Variants in THOC1 observed in about 807,000 individuals in gnomAD.
THOC1 encodes THO complex 1.
THOC1 carries 29 observed loss-of-function variants against 97.3 expected under a neutral mutation model. The observed-to-expected ratio is 0.30, with a 90% CI of 0.22 to 0.41. The LOEUF (loss-of-function observed/expected upper bound fraction) is 0.41, where lower values mean the gene tolerates loss of function less well. THOC1 is among the 10% of genes least tolerant of loss of function. THOC1 has a pLI of 1.00. For synonymous variants in THOC1, 255 were observed against 257.0 expected, an observed-to-expected ratio of 0.99 and a Z score of 0.07; for missense variants, 529 against 761.9, an observed-to-expected ratio of 0.69 and a Z score of 3.60.
chr18:267,161 T>C (rs1191203305), intron 1 of THOC1, among the ~76,000 whole-genome samples: 3 of 152,130 alleles, frequency 2.0e-5, no homozygotes, highest in African/African-American at 7.2e-5. Flanking sequence ...GTGCAAATGC[T>C]AGAGACGAAT....
chr18:240,774 C>G (rs565145248), intron 11 of THOC1, among the ~76,000 whole-genome samples: 7 of 152,240 alleles, frequency 4.6e-5, no homozygotes, highest in African/African-American at 1.7e-4. Context: ...TACTTCATTT[C>G]TATTATTAAT....
intron 4 of THOC1, 40 bp downstream of exon 4, chr18:263,986 C>A: frequency 1.4e-6 from 2 of 1,468,340 alleles, no homozygotes; most frequent in Non-Finnish European, 1.9e-6. Flanking sequence ...ATGTCATGTC[C>A]AAGATTACTT....
chr18:248,921 T>G (rs1350721228), intron 9 of THOC1, among the ~76,000 whole-genome samples: 1 of 152,062 alleles, frequency 6.6e-6, no homozygotes, highest in Non-Finnish European at 1.5e-5. Context: ...CGGCTAATTT[T>G]TTGTATTTTT....
chr18:257,897 G>A (rs1382408649), intron 7 of THOC1, among the ~76,000 whole-genome samples: 1 of 152,102 alleles, frequency 6.6e-6, no homozygotes, highest in Non-Finnish European at 1.5e-5. Context: ...TATAATGGAT[G>A]TTTAATTGAA....
In THOC1 at chr18:215,930, G is replaced by A. The variant is rs539536986; in HGVS notation, c.1603-426C>T. ...AAAAAATTCATGTCTGTGTGTATAG[G>A]TGCATAACAGTTTACCTGAAGTATC... On this transcript the variant is annotated intron_variant, in intron 19 of 20. Coordinates refer to ENST00000261600, the MANE Select transcript of THOC1 (RefSeq NM_005131.3). Among the ~76,000 whole-genome samples, 92 of 152,252 alleles carry A rather than the reference G, an allele frequency of 6.0e-4. No homozygotes were observed. In the Middle Eastern group the frequency reaches 0.01, roughly 17 times the overall value.
Position 246,371 on chromosome 18 carries a change from T to C in THOC1, c.871A>G (p.Thr291Ala). 1 of 1,603,614 alleles carries C rather than the reference T, an allele frequency of 6.2e-7. No individual in the cohort carries two copies. Among genetic ancestry groups the C allele is most frequent in the South Asian group, 1.1e-5 (1 of 90,386 alleles). Residue 291 changes from threonine (T) to alanine (A), a missense_variant, in exon 11 of 21, where the codon ACA becomes GCA. By Grantham distance (58) the Thr-to-Ala change is moderately conservative. Around this residue, in one of 8 missense-constraint regions of THOC1, gnomAD observed 92 missense variants for 127.0 expected, o/e 0.72. Transcript: ENST00000261600. ...ASRKKMEELK[T>A]GGEHVYFAKF... ...GCAAAATATACATGTTCTCCTCCTG[T>C]TTTCAATTCTTCCATCTTTTTTCTT...
At position 256,411 on chromosome 18, in the gene THOC1, G is replaced by A. The variant is rs112185817; in HGVS notation, c.521-2056C>T. 1.2e-3 allele frequency among the ~76,000 whole-genome samples: 176 copies of A among 152,316 alleles called. 1 individual carries two copies. The highest frequency in any genetic ancestry group is 3.9e-3 in the African/African-American group (162 of 41,560). Reference sequence around the variant, plus strand: ...GTGGAGGAAGTAACTGCAGATCTACGTAGTAGAAATGGCAAGAGAACTACA... The same window carrying A: ...GTGGAGGAAGTAACTGCAGATCTACATAGTAGAAATGGCAAGAGAACTACA... On this transcript the variant is annotated intron_variant, in intron 7 of 20. Coordinates refer to ENST00000261600, the MANE Select transcript of THOC1 (RefSeq NM_005131.3).
intron 11 of THOC1, among the ~76,000 whole-genome samples, chr18:231,663 CAG>C (rs1029034547): frequency 5.5e-4 from 84 of 152,222 alleles, no homozygotes; most frequent in African/African-American, 1.9e-3. Flanking sequence ...GTTAAAGAAA[CAG>C]AATATCATAG....
chr18:247,708 A>C, intron 10 of THOC1, 141 bp downstream of exon 10: 1 of 594,452 alleles, frequency 1.7e-6, no homozygotes, highest in South Asian at 2.2e-5. Flanking sequence ...ATTAATTTAT[A>C]ATTTCACTTG....
At chr18:260,165 A>G in intron 5 of THOC1, 21 bp downstream of exon 5, 2 of 1,433,916 alleles carry the variant, frequency 1.4e-6, no homozygotes, top group Non-Finnish European at 1.9e-6. Context: ...AGTTAGCAGG[A>G]AAAGAAACTA....
At chr18:217,108 C>T (rs557790835) in intron 18 of THOC1, among the ~76,000 whole-genome samples, 36 of 152,294 alleles carry the variant, frequency 2.4e-4, no homozygotes, top group Admixed American at 2.0e-4. Context: ...TGCAATGCTG[C>T]GGAAGAAACC....
At chr18:264,208 A>C in intron 3 of THOC1, 116 bp from the exon 4 acceptor site, 3 of 668,428 alleles carry the variant, frequency 4.5e-6, no homozygotes, top group Non-Finnish European at 7.4e-6. Flanking sequence ...GGAATACAAT[A>C]TTTCTTATAG....
chr18:226,846 T>C lies in THOC1; in HGVS notation c.974A>G (p.Tyr325Cys). ...SNFRRHILLQYLILFQYLKGQ... is the reference protein window; with the variant it reads ...SNFRRHILLQCLILFQYLKGQ... ...CTTGAGATATTGGAATAAAATGAGA[T>C]ACTGCAACAGGATGTGTCGACGAAA... The change falls in exon 12 of 21, where the codon TAT (tyrosine) becomes TGT (cysteine). Residue 325 changes from tyrosine (Y) to cysteine (C), a missense_variant. Physicochemically the swap from Tyr to Cys is radical, Grantham distance 194. Around this residue, in one of 8 missense-constraint regions of THOC1, gnomAD observed 25 missense variants for 69.5 expected, o/e 0.36. Transcript: ENST00000261600. 6.2e-7 allele frequency: 1 copy of C among 1,612,284 alleles called. No homozygotes were observed. The highest frequency in any genetic ancestry group is 8.5e-7 in the Non-Finnish European group (1 of 1,179,190).
intron 4 of THOC1, among the ~76,000 whole-genome samples, chr18:262,817 C>T (rs955373360): frequency 6.6e-6 from 1 of 151,948 alleles, no homozygotes; most frequent in Admixed American, 6.6e-5. Context: ...TAATGCTTTA[C>T]AGATTAAAAA....
intron 12 of THOC1, chr18:226,215 G>GA (rs1911280525): frequency 6.6e-6 from 1 of 152,298 alleles, no homozygotes. Flanking sequence ...AGCAGGTAGT[G>GA]AAGTCATTAT....
chr18:252,839 C>G (rs1363907539), intron 8 of THOC1, among the ~76,000 whole-genome samples: 2 of 152,110 alleles, frequency 1.3e-5, no homozygotes, highest in African/African-American at 4.8e-5. Context: ...GTCATGAAGA[C>G]AGTAGAAAGT....
At chr18:215,190 C>G (rs1034122798) in intron 20 of THOC1, among the ~76,000 whole-genome samples, 1 of 152,106 alleles carries the variant, frequency 6.6e-6, no homozygotes, top group Non-Finnish European at 1.5e-5. Flanking sequence ...AGGTATGGGT[C>G]GCCTTCAAAT....
At chr18:233,716 A>T (rs1911575286) in intron 11 of THOC1, among the ~76,000 whole-genome samples, 1 of 152,198 alleles carries the variant, frequency 6.6e-6, no homozygotes. Flanking sequence ...TATTAGTACT[A>T]ATAATTACCT....
chr18:239,218 A>G (rs994995906), intron 11 of THOC1, among the ~76,000 whole-genome samples: 27 of 152,248 alleles, frequency 1.8e-4, no homozygotes, highest in African/African-American at 6.5e-4. Context: ...CTATAGGATT[A>G]CAGAGTATTG....
Sources: gnomAD v4.1 joint callset for allele counts (sites outside exome capture counted in the v4.1 genomes callset) on GRCh38, gnomAD v4.1.1 for gene constraint, gnomAD v4.1.1 regional missense constraint, MANE v1.5 for transcripts, NCBI Gene and HGNC (gene_info 2026-07-23, HGNC 2026-07-21) for gene names.